The following CDK14 variants were observed in gnomAD, a reference collection of about 807,000 sequenced individuals.
The protein encoded by CDK14 is cyclin dependent kinase 14.
A neutral mutation model predicts 60.7 loss-of-function variants in CDK14; 34 were observed. That is an observed-to-expected ratio of 0.56 (90% CI 0.43 to 0.75). CDK14 has a LOEUF of 0.75. Ranked by LOEUF, CDK14 falls within the 30% of genes least tolerant of loss-of-function variation. CDK14 has a pLI of 0.00. For synonymous variants in CDK14, 197 were observed against 203.7 expected, an observed-to-expected ratio of 0.97 and a Z score of 0.28; for missense variants, 482 against 564.1, an observed-to-expected ratio of 0.85 and a Z score of 1.47.
rs1016614309 is a variant in CDK14 at position 90,855,481 on chromosome 7, A to G, written c.545-7694A>G. Among the ~76,000 whole-genome samples the G allele has an allele frequency of 4.6e-5, 7 of 152,324 alleles. No individual in the cohort carries two copies. The South Asian group carries it at 1.0e-3, about 23-fold the overall frequency. On this transcript the variant is annotated intron_variant, in intron 5 of 14. Coordinates refer to ENST00000380050, the MANE Select transcript of CDK14 (RefSeq NM_001287135.2). The stretch of plus-strand genomic sequence containing the variant: ...TAAAAGCAATATATCTTTATCATAA[A>G]CAATTCAAATGATGCAGAAAGATAT...
intron 14 of CDK14, among the ~76,000 whole-genome samples, chr7:91,160,151 C>G (rs1801123527): frequency 6.6e-6 from 1 of 151,982 alleles, no homozygotes; most frequent in East Asian, 1.9e-4. Context: ...TTACTTTGTT[C>G]AGGAGGGAGA....
intron 3 of CDK14, among the ~76,000 whole-genome samples, chr7:90,744,522 T>C (rs1347345454): frequency 2.6e-5 from 4 of 152,256 alleles, no homozygotes; most frequent in Non-Finnish European, 5.9e-5. Flanking sequence ...AATGAGCTGT[T>C]GGGTAGACCT....
chr7:90,606,955 T>G (rs1445067531), intron 2 of CDK14, among the ~76,000 whole-genome samples: 1 of 152,226 alleles, frequency 6.6e-6, no homozygotes, highest in Non-Finnish European at 1.5e-5. Context: ...TGTAGGATTC[T>G]AAATAATGTA....
intron 7 of CDK14, among the ~76,000 whole-genome samples, chr7:90,913,933 CT>C (rs1192732204): frequency 6.6e-6 from 1 of 152,122 alleles, no homozygotes; most frequent in Non-Finnish European, 1.5e-5. Flanking sequence ...CTTCAAGCTT[CT>C]TCAGTTCAGC....
intron 3 of CDK14, among the ~76,000 whole-genome samples, chr7:90,745,502 A>G (rs7806137): frequency 0.65 from 99,061 of 151,960 alleles, 32,760 homozygotes; most frequent in East Asian, 0.96. Context: ...TACTTTTTTA[A>G]CCTCTGAGGT....
chr7:90,670,567 G>T (rs1416071064), intron 2 of CDK14, among the ~76,000 whole-genome samples: 1 of 152,042 alleles, frequency 6.6e-6, no homozygotes, highest in East Asian at 1.9e-4. Flanking sequence ...CTTGGCTTCT[G>T]GGGAGGCCTC....
chr7:90,760,346 A>G (rs984959718), intron 4 of CDK14, among the ~76,000 whole-genome samples: 3 of 152,208 alleles, frequency 2.0e-5, no homozygotes, highest in Admixed American at 6.5e-5. Context: ...TTGAAACACT[A>G]TCAGGAGGAG....
intron 3 of CDK14, among the ~76,000 whole-genome samples, chr7:90,735,594 T>A (rs765893778): frequency 4.6e-5 from 7 of 152,224 alleles, no homozygotes; most frequent in Non-Finnish European, 8.8e-5. Flanking sequence ...CTCTGCCCAT[T>A]TCAACCTTCC....
chr7:91,080,364 G>A (rs1022202219), intron 12 of CDK14, among the ~76,000 whole-genome samples: 4 of 152,156 alleles, frequency 2.6e-5, no homozygotes, highest in East Asian at 1.9e-4. Flanking sequence ...AGCTAATGGC[G>A]AGGAACTCAT....
intron 10 of CDK14, among the ~76,000 whole-genome samples, chr7:91,027,012 G>A (rs972686928): frequency 4.6e-5 from 7 of 152,092 alleles, no homozygotes; most frequent in Admixed American, 1.3e-4. Flanking sequence ...CCTTTCCTGC[G>A]TAACTGTGGA....
At position 90,870,075 on chromosome 7, in the gene CDK14, G is replaced by T. The variant is rs898934043; in HGVS notation, c.639+6806G>T. Among the ~76,000 whole-genome samples the T allele has an allele frequency of 6.6e-5, 10 of 152,304 alleles. No homozygotes were observed. In the East Asian group the frequency reaches 1.7e-3, roughly 27 times the overall value. ...AGCATTTTGGCTATTCTAATGGCAG[G>T]TGGGTCCTGTTTCCTGTCAAGATTC... On this transcript the variant is annotated intron_variant, in intron 6 of 14. Transcript: ENST00000380050.
At chr7:91,095,543 T>A (rs1461305804) in intron 12 of CDK14, among the ~76,000 whole-genome samples, 2 of 152,238 alleles carry the variant, frequency 1.3e-5, no homozygotes, top group African/African-American at 4.8e-5. Context: ...CTCATTATTT[T>A]ATTGTAGTTT....
intron 10 of CDK14, among the ~76,000 whole-genome samples, chr7:91,029,262 C>G (rs1394684520): frequency 1.3e-5 from 2 of 152,076 alleles, no homozygotes; most frequent in Non-Finnish European, 2.9e-5. Flanking sequence ...GTGCCTCCAG[C>G]TTTGGTCCTT....
intron 9 of CDK14, among the ~76,000 whole-genome samples, chr7:90,971,892 T>C (rs966381706): frequency 7.2e-5 from 11 of 152,212 alleles, no homozygotes; most frequent in Non-Finnish European, 1.3e-4. Flanking sequence ...ATTGCTGATG[T>C]AGATCCTAGT....
chr7:91,025,507 T>C (rs1413721381), intron 10 of CDK14, among the ~76,000 whole-genome samples: 1 of 152,196 alleles, frequency 6.6e-6, no homozygotes, highest in Non-Finnish European at 1.5e-5. Context: ...GCATGGTTCA[T>C]GGAATGAGAA....
intron 11 of CDK14, among the ~76,000 whole-genome samples, chr7:91,054,796 A>C (rs1007896790): frequency 5.3e-5 from 8 of 152,192 alleles, no homozygotes; most frequent in African/African-American, 1.9e-4. Context: ...ATAATAGACA[A>C]ATTACAACTT....
intron 5 of CDK14, among the ~76,000 whole-genome samples, chr7:90,812,338 A>G (rs1383989409): frequency 1.3e-5 from 2 of 152,228 alleles, no homozygotes; most frequent in African/African-American, 2.4e-5. Context: ...GAAGCTGGAA[A>G]CCATCATTCT....
At chr7:91,003,524 G>T (rs535243847) in intron 10 of CDK14, among the ~76,000 whole-genome samples, 192 of 152,286 alleles carry the variant, frequency 1.3e-3, no homozygotes, top group Non-Finnish European at 2.0e-3. Context: ...AGATGGATGG[G>T]CTGTGCTGCA....
At chr7:90,598,728 G>A (rs1470038316) in intron 1 of CDK14, among the ~76,000 whole-genome samples, 2 of 2,580 alleles carry the variant, frequency 7.8e-4, no homozygotes, top group Non-Finnish European at 1.2e-3. Flanking sequence ...TTTTTGAGAC[G>A]GAGTCTCGCT....
Sources: gnomAD v4.1 joint callset for allele counts (sites outside exome capture counted in the v4.1 genomes callset) on GRCh38, gnomAD v4.1.1 for gene constraint, MANE v1.5 for transcripts, NCBI Gene and HGNC (gene_info 2026-07-23, HGNC 2026-07-21) for gene names.